The following AHNAK variants were observed in gnomAD, a reference collection of about 807,000 sequenced individuals.
The protein encoded by AHNAK is AHNAK nucleoprotein.
A neutral mutation model predicts 37.8 loss-of-function variants in AHNAK; 23 were observed. The ratio of observed to expected loss-of-function variants is 0.61; its 90% CI spans 0.44 to 0.86. The LOEUF (loss-of-function observed/expected upper bound fraction) is 0.86. Ranked by LOEUF, AHNAK falls within the 40% of genes least tolerant of loss-of-function variation. AHNAK has a pLI of 0.00. For synonymous variants in AHNAK, 2,481 were observed against 2,636.3 expected, an observed-to-expected ratio of 0.94 and a Z score of 1.80; for missense variants, 7,411 against 7,319.4, an observed-to-expected ratio of 1.01 and a Z score of -0.46.
Position 62,518,237 on chromosome 11 carries a change from A to G in AHNAK, c.16180T>C (p.Leu5394=). The G allele has an allele frequency of 6.2e-7, 1 of 1,614,118 alleles. No individual in the cohort carries two copies. The highest frequency in any genetic ancestry group is 8.5e-7 in the Non-Finnish European group (1 of 1,180,024). ...TTAATGCTGCCTTCGGATGCCTCCA[A>G]GCTTAGATCAGGAGCTCCTACGGAT... is the stretch of plus-strand genomic sequence containing the variant. ...KVSVGAPDLS[L]EASEGSIKLP... Residue 5394 remains leucine (L), a synonymous_variant, in exon 5 of 5, where the codon TTG becomes CTG. Transcript: ENST00000378024.
At chr11:62,491,069 G>A (rs1313181746) in intron 5 of AHNAK, among the ~76,000 whole-genome samples, 1 of 152,108 alleles carries the variant, frequency 6.6e-6, no homozygotes, top group East Asian at 1.9e-4. Flanking sequence ...TTACAACCAT[G>A]AGCCACCATG....
Position 62,518,979 on chromosome 11 carries a change from T to C in AHNAK, c.15438A>G (p.Pro5146=), listed in dbSNP as rs780835557. 1.2e-6 allele frequency: 2 copies of C among 1,614,202 alleles called. No homozygotes were observed. The highest frequency in any genetic ancestry group is 1.7e-6 in the Non-Finnish European group (2 of 1,180,028). The stretch of plus-strand genomic sequence containing the variant: ...TTTTTGGCACTGAGATGTCCACATC[T>C]GGCATCTTGACCTTGGGAGCCTTCG... ...IKAKAPKVKM[P]DVDISVPKIE... Residue 5146 remains proline (P), a synonymous_variant, in exon 5 of 5, where the codon CCA becomes CCG. Coordinates refer to ENST00000378024, the MANE Select transcript of AHNAK (RefSeq NM_001620.3).
chr11:62,510,324 G>A (rs1320174882), intron 4 of AHNAK, among the ~76,000 whole-genome samples: 1 of 151,980 alleles, frequency 6.6e-6, no homozygotes, highest in East Asian at 1.9e-4. Context: ...AATTACAGGC[G>A]TGAGCCACTG....
intron 5 of AHNAK, among the ~76,000 whole-genome samples, chr11:62,462,844 C>T (rs1938820633): frequency 6.6e-6 from 1 of 152,100 alleles, no homozygotes; most frequent in African/African-American, 2.4e-5. Context: ...GAAGAGTTGG[C>T]TTCAGGCCGG....
rs779690005 is a variant in AHNAK at position 62,441,003 on chromosome 11, AT to A, written c.443-7113del. 4.0e-3 allele frequency among the ~76,000 whole-genome samples: 574 copies of A among 144,212 alleles called. 4 individuals carry two copies. The highest frequency in any genetic ancestry group is 6.1e-3 in the African/African-American group (243 of 39,684). 94.6% of individuals were successfully genotyped at this position (144,212 alleles called of 152,430 possible). A position where few individuals can be genotyped will look rare whatever the true frequency, so the allele number is the denominator to read the frequency against. ...CAACATAGAGATACCCGTCTGTATA[AT>A]TTTTTTTTTTTTTGAGACAAGAGTT... On this transcript the variant is annotated intron_variant, in intron 5 of 5. Coordinates refer to the AHNAK transcript ENST00000257247.
chr11:62,506,130 G>A (rs1262734165), intron 4 of AHNAK, among the ~76,000 whole-genome samples: 1 of 151,464 alleles, frequency 6.6e-6, no homozygotes, highest in Non-Finnish European at 1.5e-5. Context: ...GATGGCTTGA[G>A]CCCAGGATGT....
rs940042496 is a variant in AHNAK, at chr11:62,520,376, T to G, written c.14041A>C (p.Ile4681Leu). The change falls in exon 5 of 5, where the codon ATT becomes CTT. Residue 4681 changes from isoleucine (I) to leucine (L), a missense_variant. Coordinates refer to ENST00000378024, the MANE Select transcript of AHNAK (RefSeq NM_001620.3). ...TCCACTTTGGGTCCTGAGACATCAATGTCAGCCTTGGGCAGGTTCACATCC... is the reference window on the plus strand; with the variant it reads ...TCCACTTTGGGTCCTGAGACATCAAGGTCAGCCTTGGGCAGGTTCACATCC... ...DVDVNLPKAD[I>L]DVSGPKVDVD... The G allele has an allele frequency of 3.7e-6, 6 of 1,612,990 alleles. No individual in the cohort carries two copies. In the African/African-American group the frequency reaches 5.4e-5, roughly 14 times the overall value.
At chr11:62,535,447 G>C (rs189843882) in intron 3 of AHNAK, among the ~76,000 whole-genome samples, 1 of 151,958 alleles carries the variant, frequency 6.6e-6, no homozygotes, top group South Asian at 2.1e-4. Flanking sequence ...TCAGGAGTTC[G>C]AGACCAGCCT....
intron 1 of AHNAK, among the ~76,000 whole-genome samples, chr11:62,543,420 A>G (rs1941197954): frequency 6.6e-6 from 1 of 152,202 alleles, no homozygotes; most frequent in African/African-American, 2.4e-5. Flanking sequence ...ATACTCTCTC[A>G]CAGGCAATGA....
intron 1 of AHNAK, among the ~76,000 whole-genome samples, chr11:62,540,716 CAGAAG>C (rs1427271043): frequency 5.9e-5 from 9 of 152,138 alleles, no homozygotes; most frequent in African/African-American, 1.9e-4. Flanking sequence ...CCCCCTAAGG[CAGAAG>C]ACTGCTTGGA....
rs201325865 is a variant in AHNAK at position 62,528,978 on chromosome 11, C to T, written c.5439G>A (p.Pro1813=). Residue 1813 remains proline (P), a synonymous_variant, in exon 5 of 5, where the codon CCG becomes CCA. Transcript: ENST00000378024. ...CAAAAGGACCTTTGACATCAACTTG[C>T]GGCCCTCTGAGATCACCTTCCAGTT... The part of the protein sequence containing the change: ...VPELEGDLRG[P]QVDVKGPFVE... 5.5e-5 allele frequency: 89 copies of T among 1,614,126 alleles called. No individual in the cohort carries two copies. The highest frequency in any genetic ancestry group is 3.3e-4 in the Middle Eastern group (2 of 6,062).
At chr11:62,494,596 A>G (rs910379347) in intron 4 of AHNAK, among the ~76,000 whole-genome samples, 3 of 152,032 alleles carry the variant, frequency 2.0e-5, no homozygotes, top group Non-Finnish European at 4.4e-5. Flanking sequence ...GTCAGGCACA[A>G]TGGCTCACAC....
intron 5 of AHNAK, among the ~76,000 whole-genome samples, chr11:62,445,435 C>T (rs988325083): frequency 2.6e-5 from 4 of 152,122 alleles, no homozygotes; most frequent in South Asian, 2.1e-4. Flanking sequence ...TCCATAGCTA[C>T]GATTTGAATA....
chr11:62,434,504 G>A (rs746268227), intron 5 of AHNAK, among the ~76,000 whole-genome samples: 13 of 152,030 alleles, frequency 8.6e-5, no homozygotes, highest in East Asian at 1.9e-4. Context: ...CCATGAATGC[G>A]CAGGTTGTCC....
At chr11:62,452,256 C>G (rs1938555951) in intron 5 of AHNAK, among the ~76,000 whole-genome samples, 1 of 152,174 alleles carries the variant, frequency 6.6e-6, no homozygotes. Context: ...TATAGAAATA[C>G]TGTGATGTAC....
chr11:62,505,938 G>C (rs1401590301), intron 4 of AHNAK, among the ~76,000 whole-genome samples: 1 of 148,536 alleles, frequency 6.7e-6, no homozygotes, highest in East Asian at 2.0e-4. Flanking sequence ...CTGTAATCCC[G>C]GCACTTCCGC....
At chr11:62,500,287 G>A (rs962923495) in intron 4 of AHNAK, among the ~76,000 whole-genome samples, 7 of 152,192 alleles carry the variant, frequency 4.6e-5, no homozygotes, top group African/African-American at 1.7e-4. Flanking sequence ...TGACAAGCCA[G>A]TAGGGGAGAT....
chr11:62,442,665 G>A (rs1938332369), intron 5 of AHNAK, among the ~76,000 whole-genome samples: 2 of 152,112 alleles, frequency 1.3e-5, no homozygotes, highest in African/African-American at 4.8e-5. Context: ...GAGGTCAGGA[G>A]TTCCAGACCA....
At chr11:62,501,397 T>C (rs1037200211) in intron 4 of AHNAK, among the ~76,000 whole-genome samples, 1 of 152,058 alleles carries the variant, frequency 6.6e-6, no homozygotes, top group African/African-American at 2.4e-5. Context: ...TGAAATTCCA[T>C]CTCTACTAAA....
Sources: gnomAD v4.1 joint callset for allele counts (sites outside exome capture counted in the v4.1 genomes callset) on GRCh38, gnomAD v4.1.1 for gene constraint, MANE v1.5 for transcripts, NCBI Gene and HGNC (gene_info 2026-07-23, HGNC 2026-07-21) for gene names.